Variants in FERMT2 observed in about 807,000 individuals in gnomAD.
FERMT2 encodes FERM domain containing kindlin 2, also known as fermitin family homolog 2.
A neutral mutation model predicts 82.7 loss-of-function variants in FERMT2; 15 were observed. The ratio of observed to expected loss-of-function variants is 0.18; its 90% confidence interval spans 0.12 to 0.28. The LOEUF is 0.28. FERMT2 is among the 10% of genes least tolerant of loss of function. The pLI, the probability that FERMT2 is intolerant of heterozygous loss-of-function variation, is 1.00. For missense variants in FERMT2, 645 were observed against 809.4 expected (o/e 0.80, Z 2.46); for synonymous variants, 274 against 271.5 (o/e 1.01, Z -0.09).
intron 2 of FERMT2, among the ~76,000 whole-genome samples, chr14:52,933,249 A>G (rs934220941): frequency 2.6e-5 from 4 of 152,152 alleles, no homozygotes; most frequent in African/African-American, 9.7e-5. Context: ...TACGGAGTCT[A>G]TCCCTTAAGC....
Position 52,859,643 on chromosome 14 carries a change from G to C in FERMT2, c.1799C>G (p.Thr600Ser), listed in dbSNP as rs763180941. Residue 600 changes from threonine to serine, a missense_variant, in exon 14 of 15, where the codon ACT becomes AGT. Coordinates refer to ENST00000341590, the MANE Select transcript of FERMT2 (RefSeq NM_006832.3). Reference sequence around the variant, plus strand: ...ACGCCATGTTTTAATTGCATCTCCAGTGCTGGCATCCATCCGAATCAGTCT... The same window carrying C: ...ACGCCATGTTTTAATTGCATCTCCACTGCTGGCATCCATCCGAATCAGTCT... ...YNRLIRMDAS[T>S]GDAIKTWRFS... 3 of 1,612,392 alleles carry C rather than the reference G, an allele frequency of 1.9e-6. No individual in the cohort carries two copies. In the Admixed American group the frequency reaches 5.0e-5, roughly 27 times the overall value.
intron 6 of FERMT2, among the ~76,000 whole-genome samples, chr14:52,879,729 C>A (rs1000643129): frequency 6.6e-6 from 1 of 151,996 alleles, no homozygotes; most frequent in Non-Finnish European, 1.5e-5. Flanking sequence ...AGACTATACT[C>A]TAAACATGAA....
At chr14:52,890,608 CT>C (rs78933730) in intron 4 of FERMT2, among the ~76,000 whole-genome samples, 3,254 of 140,410 alleles carry the variant, frequency 0.023, 110 homozygotes, top group African/African-American at 0.081. Flanking sequence ...CTTTTATCCT[CT>C]TTTTTTTTTT....
intron 4 of FERMT2, among the ~76,000 whole-genome samples, chr14:52,891,705 C>CTAAATTA (rs1490526382): frequency 6.6e-6 from 1 of 152,126 alleles, no homozygotes; most frequent in African/African-American, 2.4e-5. Context: ...CCAGAATGAA[C>CTAAATTA]TAAATTAGTA....
At chr14:52,907,288 G>A (rs1180147259) in intron 3 of FERMT2, among the ~76,000 whole-genome samples, 1 of 152,048 alleles carries the variant, frequency 6.6e-6, no homozygotes, top group African/African-American at 2.4e-5. Context: ...CTACATGTAG[G>A]CATGAACCAC....
chr14:52,890,800 AC>A (rs1886896744), intron 4 of FERMT2, among the ~76,000 whole-genome samples: 2 of 151,990 alleles, frequency 1.3e-5, no homozygotes, highest in Admixed American at 1.3e-4. Flanking sequence ...ATGGGGTTTC[AC>A]CATGTTGGTC....
chr14:52,865,713 T>A (rs1885231985), intron 10 of FERMT2, among the ~76,000 whole-genome samples: 1 of 152,186 alleles, frequency 6.6e-6, no homozygotes, highest in African/African-American at 2.4e-5. Context: ...AGGGCTTGCT[T>A]TTTCAATTCC....
At chr14:52,929,550 T>C (rs1889467607) in intron 2 of FERMT2, among the ~76,000 whole-genome samples, 1 of 152,190 alleles carries the variant, frequency 6.6e-6, no homozygotes, top group Non-Finnish European at 1.5e-5. Flanking sequence ...TGTGCTACTC[T>C]TCCTTTGCTC....
rs545760831 is a variant in FERMT2 at position 52,895,805 on chromosome 14, A to T, written c.392-2378T>A. On this transcript the variant is annotated intron_variant, in intron 3 of 14. Transcript: ENST00000341590. The stretch of plus-strand genomic sequence containing the variant: ...CTATTATACTACAATAAAGTTAATT[A>T]AAAAACTGTGAAACGATGAAGAACC... Among the ~76,000 whole-genome samples, 11 of 152,324 alleles carry T rather than the reference A, an allele frequency of 7.2e-5. No homozygotes were observed. In the South Asian group the frequency reaches 1.2e-3, roughly 17 times the overall value.
intron 2 of FERMT2, among the ~76,000 whole-genome samples, chr14:52,948,235 A>G (rs184050050): frequency 1.3e-3 from 202 of 152,352 alleles, no homozygotes; most frequent in Admixed American, 3.3e-3. Context: ...CTTCAGTGAC[A>G]TAAGTCAGGG....
chr14:52,902,892 C>CAAAAAAAAAAAAAAAAAA (rs1355070805), intron 3 of FERMT2, among the ~76,000 whole-genome samples: 1 of 36,752 alleles, frequency 2.7e-5, no homozygotes, highest in Non-Finnish European at 5.0e-5. Context: ...AAAAAAAAAA[C>CAAAAAAAAAAAAAAAAAA]CCCAAAACAC....
chr14:52,911,427 G>A (rs967803252), intron 3 of FERMT2, among the ~76,000 whole-genome samples: 2 of 151,872 alleles, frequency 1.3e-5, no homozygotes, highest in African/African-American at 4.8e-5. Context: ...TGAGGCGGGC[G>A]GATCACAAGG....
intron 2 of FERMT2, among the ~76,000 whole-genome samples, chr14:52,940,559 C>T (rs943700606): frequency 6.6e-6 from 1 of 152,108 alleles, no homozygotes; most frequent in African/African-American, 2.4e-5. Flanking sequence ...ATTCAGATAT[C>T]TTCAGATACT....
At chr14:52,891,546 T>C (rs989329660) in intron 4 of FERMT2, among the ~76,000 whole-genome samples, 1 of 152,142 alleles carries the variant, frequency 6.6e-6, no homozygotes, top group Non-Finnish European at 1.5e-5. Flanking sequence ...AATGTGGGTA[T>C]TAACAATATC....
At chr14:52,932,080 T>A (rs894893220) in intron 2 of FERMT2, among the ~76,000 whole-genome samples, 1 of 152,238 alleles carries the variant, frequency 6.6e-6, no homozygotes, top group Non-Finnish European at 1.5e-5. Flanking sequence ...ATAATCTCTT[T>A]GTTTTATAGA....
At chr14:52,891,845 CTAAT>C (rs1330110240) in intron 4 of FERMT2, among the ~76,000 whole-genome samples, 1 of 152,136 alleles carries the variant, frequency 6.6e-6, no homozygotes, top group Non-Finnish European at 1.5e-5. Context: ...ACAATATAAC[CTAAT>C]TAATTAGCCA....
chr14:52,884,185 A>G (rs1367597787), intron 4 of FERMT2, among the ~76,000 whole-genome samples: 1 of 152,240 alleles, frequency 6.6e-6, no homozygotes, highest in Non-Finnish European at 1.5e-5. Context: ...ACTATGTGAT[A>G]ATAAACTCAC....
intron 10 of FERMT2, among the ~76,000 whole-genome samples, chr14:52,870,607 C>T (rs982366342): frequency 3.9e-5 from 6 of 152,194 alleles, no homozygotes; most frequent in African/African-American, 1.4e-4. Flanking sequence ...TATTGTGTTA[C>T]AGTTGTCTAC....
At chr14:52,864,002 AT>A (rs75953200) in intron 12 of FERMT2, among the ~76,000 whole-genome samples, 20,862 of 148,838 alleles carry the variant, frequency 0.14, 1,697 homozygotes, top group Middle Eastern at 0.23. Context: ...AATGATAAAG[AT>A]TTTTTTTTTT....
Sources: gnomAD v4.1 joint callset for allele counts (sites outside exome capture counted in the v4.1 genomes callset) on GRCh38, gnomAD v4.1.1 for gene constraint, MANE v1.5 for transcripts, NCBI Gene and HGNC (gene_info 2026-07-23, HGNC 2026-07-21) for gene names.